Variants in NRXN1 observed in about 807,000 individuals in gnomAD.
The protein encoded by NRXN1 is neurexin 1, also known as neurexin-1.
NRXN1 carries 39 observed loss-of-function variants against 150.9 expected under a neutral mutation model. The observed-to-expected ratio is 0.26, with a 90% CI of 0.20 to 0.34. The LOEUF (loss-of-function observed/expected upper bound fraction) is 0.34. NRXN1 is among the 10% of genes least tolerant of loss of function. NRXN1 has a pLI of 1.00. For missense variants in NRXN1, 1,815 were observed against 1,949.9 expected (o/e 0.93, Z 1.30); for synonymous variants, 924 against 757.0 (o/e 1.22, Z -3.62).
chr2:49,994,376 G>T (rs1205060487), intron 21 of NRXN1, among the ~76,000 whole-genome samples: 1 of 152,180 alleles, frequency 6.6e-6, no homozygotes, highest in Non-Finnish European at 1.5e-5. Context: ...GACGAATCCA[G>T]TCTGTTTTAG....
chr2:50,856,220 G>A (rs1280482886), intron 5 of NRXN1, among the ~76,000 whole-genome samples: 4 of 151,942 alleles, frequency 2.6e-5, no homozygotes, highest in African/African-American at 9.7e-5. Flanking sequence ...GCTTCTAGAA[G>A]TATTAGGCAA....
chr2:50,289,610 A>AGGCAATTT (rs2072648319), intron 17 of NRXN1, among the ~76,000 whole-genome samples: 1 of 152,158 alleles, frequency 6.6e-6, no homozygotes. Context: ...GTATTCCTAA[A>AGGCAATTT]GGCAATTTAC....
chr2:50,598,674 ATG>A (rs1204397679), intron 8 of NRXN1, among the ~76,000 whole-genome samples: 1 of 147,392 alleles, frequency 6.8e-6, no homozygotes, highest in Non-Finnish European at 1.5e-5. Flanking sequence ...ATTCATATAT[ATG>A]TGTATGTATA....
intron 13 of NRXN1, among the ~76,000 whole-genome samples, chr2:50,498,683 TAAA>T (rs2091780993): frequency 6.6e-6 from 1 of 152,188 alleles, no homozygotes; most frequent in Non-Finnish European, 1.5e-5. Flanking sequence ...GAAGGTAAGA[TAAA>T]TAAGCAAAGA....
rs575418712 is a variant in NRXN1, at chr2:50,656,920, G to A, written c.833-33305C>T. On this transcript the variant is annotated intron_variant, in intron 5 of 22. Transcript: ENST00000401669. The stretch of plus-strand genomic sequence containing the variant: ...ATGCCTTGGAAAATAAAATTAAATG[G>A]AAGAGAAATTAACAATAATAACTCA... Among the ~76,000 whole-genome samples, 5 of 152,018 alleles carry A rather than the reference G, an allele frequency of 3.3e-5. No homozygotes were observed. In the South Asian group the frequency reaches 1.0e-3, roughly 32 times the overall value.
intron 18 of NRXN1, chr2:50,174,824 A>C (rs1304739703): frequency 6.6e-6 from 1 of 152,210 alleles, no homozygotes; most frequent in Non-Finnish European, 1.5e-5. Context: ...TTAAAAAGCC[A>C]GAAGAACAAC....
intron 19 of NRXN1, among the ~76,000 whole-genome samples, chr2:50,083,145 A>C (rs982179922): frequency 2.0e-5 from 3 of 152,246 alleles, no homozygotes; most frequent in African/African-American, 7.2e-5. Flanking sequence ...TCTCATTGAC[A>C]AGTTTCCTGG....
chr2:50,207,364 C>T (rs1304893724), intron 18 of NRXN1, among the ~76,000 whole-genome samples: 1 of 152,006 alleles, frequency 6.6e-6, no homozygotes, highest in African/African-American at 2.4e-5. Context: ...TGTAACTCAC[C>T]TCTTGAATAA....
At chr2:49,922,463 C>T (rs1226800643) in intron 22 of NRXN1, among the ~76,000 whole-genome samples, 3 of 152,122 alleles carry the variant, frequency 2.0e-5, no homozygotes, top group Admixed American at 6.6e-5. Flanking sequence ...GCTGTGTCTT[C>T]TTTCTTCACA....
intron 21 of NRXN1, among the ~76,000 whole-genome samples, chr2:49,973,294 A>AT (rs1291633288): frequency 1.3e-5 from 2 of 152,120 alleles, no homozygotes; most frequent in African/African-American, 4.8e-5. Flanking sequence ...CCAGACACGC[A>AT]TTTTTTTCAG....
At chr2:50,972,228 A>T (rs1695118617) in intron 2 of NRXN1, among the ~76,000 whole-genome samples, 4 of 152,086 alleles carry the variant, frequency 2.6e-5, no homozygotes, top group Admixed American at 6.6e-5. Context: ...CTTAAAAAAA[A>T]CTCTCAATAC....
At chr2:50,828,095 T>C (rs1574620883) in intron 5 of NRXN1, among the ~76,000 whole-genome samples, 1 of 151,562 alleles carries the variant, frequency 6.6e-6, no homozygotes, top group Non-Finnish European at 1.5e-5. Context: ...ATTGTCATCA[T>C]GGCCCGTTCT....
At chr2:49,924,317 GATAACATTT>G (rs1668715919) in intron 22 of NRXN1, among the ~76,000 whole-genome samples, 3 of 152,104 alleles carry the variant, frequency 2.0e-5, no homozygotes, top group Admixed American at 6.5e-5. Context: ...GGAGAATGGA[GATAACATTT>G]GAATCATTTA....
chr2:50,621,292 C>A, intron 6 of NRXN1, 43 bp from the exon 7 acceptor site: 1 of 1,452,848 alleles, frequency 6.9e-7, no homozygotes, highest in Non-Finnish European at 9.5e-7. Flanking sequence ...AAACTGTGAA[C>A]AGAATAACGA....
At chr2:50,627,824 A>T (rs1681438926) in intron 5 of NRXN1, among the ~76,000 whole-genome samples, 1 of 151,772 alleles carries the variant, frequency 6.6e-6, no homozygotes, top group Admixed American at 6.6e-5. Flanking sequence ...CAGTAACAGA[A>T]GTGGGACTAG....
chr2:50,878,690 A>T (rs1678973693), intron 5 of NRXN1, among the ~76,000 whole-genome samples: 1 of 151,950 alleles, frequency 6.6e-6, no homozygotes, highest in Admixed American at 6.6e-5. Context: ...CCAACCACAG[A>T]ATACAATAAA....
At chr2:50,012,223 A>T (rs918645360) in intron 21 of NRXN1, among the ~76,000 whole-genome samples, 9 of 152,132 alleles carry the variant, frequency 5.9e-5, no homozygotes, top group Non-Finnish European at 1.3e-4. Context: ...GGCATGAATT[A>T]CTAGAAGAAT....
chr2:51,004,922 G>A (rs1402557612), intron 2 of NRXN1, among the ~76,000 whole-genome samples: 2 of 151,904 alleles, frequency 1.3e-5, no homozygotes, highest in South Asian at 2.1e-4. Context: ...TTAGACTATA[G>A]TAAAACTTAA....
intron 2 of NRXN1, among the ~76,000 whole-genome samples, chr2:50,980,778 C>CAG (rs1696663486): frequency 6.6e-6 from 1 of 152,048 alleles, no homozygotes; most frequent in African/African-American, 2.4e-5. Context: ...CCTATCATTC[C>CAG]AGAGAGTTTT....
Sources: gnomAD v4.1 joint callset for allele counts (sites outside exome capture counted in the v4.1 genomes callset) on GRCh38, gnomAD v4.1.1 for gene constraint, MANE v1.5 for transcripts, NCBI Gene and HGNC (gene_info 2026-07-23, HGNC 2026-07-21) for gene names.